CERS4: variants seen among roughly 807,000 people sequenced by gnomAD.
CERS4 encodes LAG1 homolog, ceramide synthase 4.
CERS4 carries 65 observed loss-of-function variants against 51.8 expected under a neutral mutation model. The observed-to-expected ratio is 1.26, with a 90% CI of 1.03 to 1.54. The LOEUF is 1.54. Ranked by LOEUF, CERS4 falls within the 40% of genes most tolerant of loss-of-function variation. The probability of loss-of-function intolerance (pLI) is 0.00; values close to 1 mark genes in which losing one functional copy is unlikely to be tolerated. For missense variants in CERS4, 563 were observed against 500.4 expected, an observed-to-expected ratio of 1.13 and a Z score of -1.19; for synonymous variants, 228 against 208.4, an observed-to-expected ratio of 1.09 and a Z score of -0.81.
intron 2 of CERS4, among the ~76,000 whole-genome samples, chr19:8,237,323 G>A (rs375499434): frequency 1.5e-4 from 23 of 151,872 alleles, no homozygotes; most frequent in African/African-American, 3.4e-4. Context: ...AGGCGGAGGC[G>A]GGCAGACCAC....
chr19:8,254,239 C>T lies in CERS4; in HGVS notation c.174-260C>T, dbSNP rs1005677504. Among the ~76,000 whole-genome samples the T allele has an allele frequency of 6.5e-5, 9 of 139,426 alleles. No homozygotes were observed. The East Asian group carries it at 1.1e-3, about 17-fold the overall frequency. 91.5% of individuals were successfully genotyped at this position (139,426 alleles called of 152,430 possible). A position where few individuals can be genotyped will look rare whatever the true frequency, so the allele number is the denominator to read the frequency against. On this transcript the variant is annotated intron_variant, in intron 3 of 11. Coordinates refer to ENST00000251363, the MANE Select transcript of CERS4 (RefSeq NM_024552.3). ...TCGGGAGGCTGAGGCAGGAGAATGG[C>T]GTGAACCCGGGAGGCGGAGCTTGCA...
At position 8,244,594 on chromosome 19, in the gene CERS4, A is replaced by T. The variant is rs189250632; in HGVS notation, c.-1-6482A>T. 9.2e-5 allele frequency among the ~76,000 whole-genome samples: 14 copies of T among 151,964 alleles called. No individual in the cohort carries two copies. In the East Asian group the frequency reaches 2.7e-3, roughly 30 times the overall value. On this transcript the variant is annotated intron_variant, in intron 2 of 11. Coordinates refer to ENST00000251363, the MANE Select transcript of CERS4 (RefSeq NM_024552.3). Reference sequence around the variant, plus strand: ...ATGTCTCTGGAATCCCCTTATCTCTACCTTATCTCAACTGGACATGCCAGA... The same window carrying T: ...ATGTCTCTGGAATCCCCTTATCTCTTCCTTATCTCAACTGGACATGCCAGA...
In CERS4 at chr19:8,221,551, A is replaced by AT. The variant is rs111753909; in HGVS notation, c.-2+10701dup. ...GAGCCTTTTAACTTTTTTTTTTCTT[A>AT]TTTTTTTTTTTTGAGACGGAATCTT... On this transcript the variant is annotated intron_variant, in intron 2 of 11. Coordinates refer to ENST00000251363, the MANE Select transcript of CERS4 (RefSeq NM_024552.3). Among the ~76,000 whole-genome samples, 493 of 142,642 alleles carry AT rather than the reference A, an allele frequency of 3.5e-3. 3 individuals carry two copies. Among genetic ancestry groups the AT allele is most frequent in the African/African-American group, 8.7e-3 (337 of 38,878 alleles). 93.6% of individuals were successfully genotyped at this position (142,642 alleles called of 152,430 possible).
intron 7 of CERS4, 124 bp from the exon 8 acceptor site, chr19:8,256,493 TG>T: frequency 6.8e-6 from 7 of 1,032,638 alleles, no homozygotes; most frequent in Non-Finnish European, 1.0e-5. Context: ...CCTCCAGGGA[TG>T]GGGAGCTCAC....
At chr19:8,256,414 T>C in intron 7 of CERS4, 128 bp downstream of exon 7, 1 of 1,155,720 alleles carries the variant, frequency 8.7e-7, no homozygotes. Context: ...CGCTCTTTGA[T>C]TCCTCTGGGG....
At chr19:8,222,575 G>A (rs1290851379) in intron 2 of CERS4, among the ~76,000 whole-genome samples, 2 of 149,572 alleles carry the variant, frequency 1.3e-5, no homozygotes, top group African/African-American at 2.5e-5. Flanking sequence ...CTTGGCTCAC[G>A]GCAACCTCCG....
At chr19:8,242,082 G>T (rs1968562690) in intron 2 of CERS4, among the ~76,000 whole-genome samples, 1 of 152,136 alleles carries the variant, frequency 6.6e-6, no homozygotes, top group Admixed American at 6.6e-5. Flanking sequence ...CAGGTGCAAG[G>T]TCTCTGAGCT....
chr19:8,261,619 G>A, intron 10 of CERS4, 69 bp from the exon 11 acceptor site: 1 of 1,582,002 alleles, frequency 6.3e-7, no homozygotes, highest in Non-Finnish European at 8.6e-7. Context: ...ATGCCAGTTA[G>A]AAATTCTTAG....
chr19:8,209,379 G>A lies in CERS4; in HGVS notation c.-274G>A, dbSNP rs1191095375. On this transcript the variant is annotated 5_prime_UTR_variant, in exon 1 of 12. Coordinates refer to ENST00000251363, the MANE Select transcript of CERS4 (RefSeq NM_024552.3). Reference sequence around the variant, plus strand: ...GGGCCGAGGCCCGGCCAGGAGCAGAGTCCGGCTGCCTGGGGCGGGCGGCGC... The same window carrying A: ...GGGCCGAGGCCCGGCCAGGAGCAGAATCCGGCTGCCTGGGGCGGGCGGCGC... The A allele has an allele frequency of 2.0e-5, 3 of 150,868 alleles. No individual in the cohort carries two copies. The highest frequency in any genetic ancestry group is 2.0e-4 in the Admixed American group (3 of 15,158). 9.3% of individuals were successfully genotyped at this position (150,868 alleles called of 1,614,324 possible). A position where few individuals can be genotyped will look rare whatever the true frequency, so the allele number is the denominator to read the frequency against.
chr19:8,237,915 T>G (rs116936008), intron 2 of CERS4, among the ~76,000 whole-genome samples: 2,339 of 152,306 alleles, frequency 0.015, 29 homozygotes, highest in Middle Eastern at 0.024. Context: ...TGCCTGTTGA[T>G]TATACCTCCG....
chr19:8,262,295 C>G lies in CERS4; in HGVS notation c.*186C>G. ...CCCACCCACCCTTCTTCCCTCTGGG[C>G]AACTGGACAGATCTGGGAGCCAGCA... On this transcript the variant is annotated 3_prime_UTR_variant, in exon 12 of 12. Transcript: ENST00000251363. The G allele has an allele frequency of 1.8e-6, 1 of 542,540 alleles. No homozygotes were observed. The highest frequency in any genetic ancestry group is 2.9e-6 in the Non-Finnish European group (1 of 343,566). 33.6% of individuals were successfully genotyped at this position (542,540 alleles called of 1,614,324 possible).
At chr19:8,249,099 C>T (rs1030298205) in intron 2 of CERS4, among the ~76,000 whole-genome samples, 4 of 125,766 alleles carry the variant, frequency 3.2e-5, no homozygotes, top group South Asian at 5.2e-4. Context: ...TTTTGATGGG[C>T]GAACAGATGG....
At chr19:8,250,967 C>G in intron 2 of CERS4, 109 bp from the exon 3 acceptor site, 1 of 1,481,084 alleles carries the variant, frequency 6.8e-7, no homozygotes, top group Non-Finnish European at 8.9e-7. Flanking sequence ...TTGTCAACTG[C>G]GCTGATAGGG....
chr19:8,252,987 G>T (rs545896246), intron 3 of CERS4, among the ~76,000 whole-genome samples: 1 of 152,182 alleles, frequency 6.6e-6, no homozygotes, highest in African/African-American at 2.4e-5. Context: ...AGGGTTAGAC[G>T]AGCCAATGTA....
chr19:8,211,387 C>T (rs568898903), intron 2 of CERS4, among the ~76,000 whole-genome samples: 21 of 152,224 alleles, frequency 1.4e-4, no homozygotes, highest in Middle Eastern at 3.4e-3. Flanking sequence ...AGCCTGACCA[C>T]CCCCCAGCCC....
chr19:8,257,195 T>A (rs1304729837), intron 9 of CERS4, 118 bp downstream of exon 9: 2 of 1,091,934 alleles, frequency 1.8e-6, no homozygotes, highest in Non-Finnish European at 2.6e-6. Context: ...ACCCCTCCTG[T>A]CTTTCTCGGG....
At chr19:8,230,190 C>CT (rs113068978) in intron 2 of CERS4, among the ~76,000 whole-genome samples, 26 of 148,836 alleles carry the variant, frequency 1.7e-4, no homozygotes, top group African/African-American at 2.7e-4. Flanking sequence ...CTTTTTTTTT[C>CT]TTTTTTTTTC....
chr19:8,226,886 T>C (rs899523155), intron 2 of CERS4, among the ~76,000 whole-genome samples: 40 of 152,118 alleles, frequency 2.6e-4, no homozygotes, highest in African/African-American at 9.2e-4. Flanking sequence ...CCCAGCACTT[T>C]GGGAGGCCGA....
intron 2 of CERS4, among the ~76,000 whole-genome samples, chr19:8,235,120 T>C (rs1406284365): frequency 2.0e-5 from 3 of 149,774 alleles, no homozygotes; most frequent in African/African-American, 7.4e-5. Flanking sequence ...GCAATTCTCC[T>C]GACTCAGCCT....
Sources: allele counts gnomAD v4.1 joint callset (sites outside exome capture counted in the v4.1 genomes callset), GRCh38; gene constraint gnomAD v4.1.1; transcripts MANE v1.5; gene names NCBI Gene and HGNC (gene_info 2026-07-23, HGNC 2026-07-21).